Variants in NAT1 observed in about 807,000 individuals in gnomAD.
NAT1 encodes arylamine N-acetyltransferase 1.
For missense variants in NAT1, 400 were observed against 339.2 expected (o/e 1.18, Z -1.41); for synonymous variants, 144 against 122.6 (o/e 1.17, Z -1.16).
intron 2 of NAT1, among the ~76,000 whole-genome samples, chr8:18,175,166 A>G (rs1473368603): frequency 1.3e-5 from 2 of 152,098 alleles, no homozygotes; most frequent in Non-Finnish European, 2.9e-5. Flanking sequence ...GAAAGAGTCA[A>G]TCAAGGTAAT....
chr8:18,191,506 G>A (rs1802988985), intron 2 of NAT1, among the ~76,000 whole-genome samples: 1 of 151,948 alleles, frequency 6.6e-6, no homozygotes, highest in African/African-American at 2.4e-5. Context: ...AAGTTCATAT[G>A]GAACCAAAAA....
chr8:18,203,331 T>C (rs1458825751), intron 2 of NAT1, among the ~76,000 whole-genome samples: 1 of 152,220 alleles, frequency 6.6e-6, no homozygotes, highest in Non-Finnish European at 1.5e-5. Context: ...CAAATAAAAC[T>C]AGTTTTTACG....
intron 2 of NAT1, among the ~76,000 whole-genome samples, chr8:18,197,244 TCGGTC>T (rs1803273835): frequency 1.3e-5 from 2 of 152,214 alleles, no homozygotes; most frequent in Non-Finnish European, 2.9e-5. Context: ...CGTTGGGGAC[TCGGTC>T]CCAAACCATA....
chr8:18,183,688 C>T (rs1056805000), intron 2 of NAT1, among the ~76,000 whole-genome samples: 1 of 152,242 alleles, frequency 6.6e-6, no homozygotes, highest in African/African-American at 2.4e-5. Context: ...CACAATAAAC[C>T]TATGAAATCA....
At chr8:18,178,325 T>G (rs1802372926) in intron 2 of NAT1, among the ~76,000 whole-genome samples, 1 of 152,158 alleles carries the variant, frequency 6.6e-6, no homozygotes, top group South Asian at 2.1e-4. Context: ...TTCAGAATAT[T>G]AAGCTACTGA....
chr8:18,185,106 G>A (rs1190274767), intron 2 of NAT1, among the ~76,000 whole-genome samples: 5 of 149,588 alleles, frequency 3.3e-5, no homozygotes, highest in African/African-American at 1.3e-4. Context: ...TTTCAGGAGT[G>A]ATTGTTCTGT....
chr8:18,204,497 T>C (rs1803620144), intron 2 of NAT1, among the ~76,000 whole-genome samples: 1 of 152,226 alleles, frequency 6.6e-6, no homozygotes. Flanking sequence ...CTTTAAAAAC[T>C]GAAACATTAC....
chr8:18,204,570 A>C (rs1297478237), intron 2 of NAT1, among the ~76,000 whole-genome samples: 1 of 147,668 alleles, frequency 6.8e-6, no homozygotes, highest in Non-Finnish European at 1.5e-5. Context: ...ATACAGAACA[A>C]AATATATTTC....
At chr8:18,189,861 A>T (rs543563000) in intron 2 of NAT1, among the ~76,000 whole-genome samples, 1 of 152,150 alleles carries the variant, frequency 6.6e-6, no homozygotes, top group East Asian at 1.9e-4. Context: ...ATGATCTTGG[A>T]TCACTACAGC....
At chr8:18,197,498 G>A (rs1803284435) in intron 2 of NAT1, among the ~76,000 whole-genome samples, 1 of 152,118 alleles carries the variant, frequency 6.6e-6, no homozygotes, top group Non-Finnish European at 1.5e-5. Flanking sequence ...CATCTAGTGG[G>A]TGAGACCAGG....
intron 2 of NAT1, chr8:18,170,827 C>T (rs988611029): frequency 1.3e-5 from 2 of 152,184 alleles, no homozygotes; most frequent in African/African-American, 4.8e-5. Context: ...ATTCTAACTT[C>T]CACTTATTTT....
At chr8:18,198,551 A>C (rs552101762) in intron 2 of NAT1, among the ~76,000 whole-genome samples, 1 of 152,366 alleles carries the variant, frequency 6.6e-6, no homozygotes, top group South Asian at 2.1e-4. Flanking sequence ...ACTGAAATCG[A>C]ACTTGTGTCA....
At position 18,204,152 on chromosome 8, in the gene NAT1, T is replaced by C. The variant is rs373160883; in HGVS notation, n.93-5629T>C. ...CTGCAGTCCGCTGCCTCCTTGACTT[T>C]TTGGATGTCTTTCTCTCTCTCTCTC... On this transcript the variant is annotated intron_variant and non_coding_transcript_variant, in intron 2 of 4. Transcript: ENST00000517441. 9.3e-5 allele frequency among the ~76,000 whole-genome samples: 14 copies of C among 150,214 alleles called. No homozygotes were observed. In the East Asian group the frequency reaches 2.7e-3, roughly 29 times the overall value.
upstream of NAT1, among the ~76,000 whole-genome samples, chr8:18,206,288 C>T (rs900370718): frequency 2.6e-5 from 4 of 152,168 alleles, no homozygotes; most frequent in Non-Finnish European, 2.9e-5. Flanking sequence ...CCCTCTCAGT[C>T]CACCTTCTGT....
chr8:18,202,148 G>A (rs1187201747), intron 2 of NAT1, among the ~76,000 whole-genome samples: 1 of 152,146 alleles, frequency 6.6e-6, no homozygotes, highest in East Asian at 1.9e-4. Flanking sequence ...CCTTATCTTT[G>A]TGTAAGATAT....
chr8:18,189,173 T>C (rs1189468576), intron 2 of NAT1, among the ~76,000 whole-genome samples: 1 of 152,124 alleles, frequency 6.6e-6, no homozygotes, highest in African/African-American at 2.4e-5. Context: ...GTTTTTTTCC[T>C]TGGGTAGCAT....
At chr8:18,211,944 C>A (rs1378738940) in intron 1 of NAT1, among the ~76,000 whole-genome samples, 1 of 152,222 alleles carries the variant, frequency 6.6e-6, no homozygotes, top group Non-Finnish European at 1.5e-5. Context: ...TCTCAGTCCA[C>A]AATTGTACTT....
rs573647908 is a variant in NAT1 at position 18,196,405 on chromosome 8, GA to G, written n.93-13366del. On this transcript the variant is annotated intron_variant and non_coding_transcript_variant, in intron 2 of 4. Transcript: ENST00000517441. ...TAGGGATGAACATATGAGGAAAAAA[GA>G]AAAAAAAAATAAGTTGTGCCTCTAT... Among the ~76,000 whole-genome samples the G allele has an allele frequency of 7.3e-3, 1,074 of 146,308 alleles. 10 individuals are homozygous for G. Among genetic ancestry groups the G allele is most frequent in the African/African-American group, 0.023 (934 of 40,054 alleles).
chr8:18,212,019 T>A (rs1298849583), intron 1 of NAT1, among the ~76,000 whole-genome samples: 2 of 152,192 alleles, frequency 1.3e-5, no homozygotes, highest in Non-Finnish European at 2.9e-5. Flanking sequence ...TGGGTTAAAC[T>A]GCTTTTAATT....
Sources: gnomAD v4.1 joint callset for allele counts (sites outside exome capture counted in the v4.1 genomes callset) on GRCh38, gnomAD v4.1.1 for gene constraint, MANE v1.5 for transcripts, NCBI Gene and HGNC (gene_info 2026-07-23, HGNC 2026-07-21) for gene names.